The following KIAA0825 variants were observed in gnomAD, a reference collection of about 807,000 sequenced individuals.
The protein encoded by KIAA0825 is KIAA0825, also known as uncharacterized protein KIAA0825.
In KIAA0825, 119 loss-of-function variants were observed where a neutral mutation model predicts 147.6. That is an observed-to-expected ratio of 0.81 (90% CI 0.69 to 0.94). The LOEUF is 0.94. Ranked by LOEUF, KIAA0825 falls within the 40% of genes least tolerant of loss-of-function variation. KIAA0825 has a pLI of 0.00. For missense variants in KIAA0825, 1,381 were observed against 1,472.7 expected (o/e 0.94, Z 1.02); for synonymous variants, 470 against 518.1 (o/e 0.91, Z 1.26).
chr5:94,500,944 A>G (rs1271435998), intron 5 of KIAA0825, among the ~76,000 whole-genome samples: 1 of 151,706 alleles, frequency 6.6e-6, no homozygotes, highest in Non-Finnish European at 1.5e-5. Flanking sequence ...CACCCAGCTA[A>G]TTTTTTGTAT....
At chr5:94,480,412 A>ATAAT (rs1762366244) in intron 6 of KIAA0825, among the ~76,000 whole-genome samples, 1 of 152,082 alleles carries the variant, frequency 6.6e-6, no homozygotes. Flanking sequence ...AACAGAAAAA[A>ATAAT]TAATAAAGAT....
chr5:94,162,406 T>C (rs187588271), intron 20 of KIAA0825, among the ~76,000 whole-genome samples: 159 of 152,220 alleles, frequency 1.0e-3, no homozygotes, highest in African/African-American at 3.1e-3. Context: ...TTCCAGCGAT[T>C]GTCCTGCCTC....
At chr5:94,223,181 T>C (rs901004934) in intron 20 of KIAA0825, among the ~76,000 whole-genome samples, 1 of 152,216 alleles carries the variant, frequency 6.6e-6, no homozygotes, top group South Asian at 2.1e-4. Context: ...CTTTTAACTT[T>C]CGAAAGTTAA....
In KIAA0825 at chr5:94,197,359, GAT is replaced by G. The variant is rs1487785720; in HGVS notation, c.3711-43237_3711-43236del. Among the ~76,000 whole-genome samples the G allele has an allele frequency of 2.4e-4, 37 of 152,094 alleles. 1 individual carries two copies. The highest frequency in any genetic ancestry group is 2.4e-3 in the Admixed American group (37 of 15,270). On this transcript the variant is annotated intron_variant, in intron 20 of 20. Transcript: ENST00000682413. ...TGATTTAAGTTCCTTATAGATTCTG[GAT>G]ATGAGACCTTTCTCTGATGCATAGT...
intron 20 of KIAA0825, among the ~76,000 whole-genome samples, chr5:94,203,963 A>G (rs912257788): frequency 6.6e-6 from 1 of 152,204 alleles, no homozygotes; most frequent in Admixed American, 6.5e-5. Flanking sequence ...TAGCTACGCA[A>G]ACAGAATCCC....
At chr5:94,396,835 T>C (rs1235146314) in intron 16 of KIAA0825, among the ~76,000 whole-genome samples, 1 of 151,984 alleles carries the variant, frequency 6.6e-6, no homozygotes, top group African/African-American at 2.4e-5. Context: ...CTGGGCAGCT[T>C]TGTAGGCTTT....
intron 1 of KIAA0825, among the ~76,000 whole-genome samples, chr5:94,591,881 C>T (rs964172762): frequency 2.0e-5 from 3 of 152,124 alleles, no homozygotes; most frequent in African/African-American, 2.4e-5. Context: ...TGCAAAGGAA[C>T]TCCCATTTAT....
intron 13 of KIAA0825, among the ~76,000 whole-genome samples, chr5:94,444,516 G>C (rs980702433): frequency 4.6e-5 from 7 of 151,940 alleles, no homozygotes; most frequent in African/African-American, 1.7e-4. Context: ...TCTGATAAGG[G>C]AGTAGTAACC....
chr5:94,396,599 G>T, intron 16 of KIAA0825, 90 bp from the exon 17 acceptor site: 1 of 1,102,024 alleles, frequency 9.1e-7, no homozygotes, highest in Non-Finnish European at 1.2e-6. Flanking sequence ...TCTAATTTTT[G>T]TGGAGAAAAT....
chr5:94,535,729 A>G (rs1280470247), intron 3 of KIAA0825, among the ~76,000 whole-genome samples: 5 of 152,138 alleles, frequency 3.3e-5, no homozygotes, highest in Admixed American at 2.6e-4. Context: ...GCCTAACTTC[A>G]GTGGTTGCCT....
At chr5:94,180,936 G>A (rs1326876135) in intron 20 of KIAA0825, among the ~76,000 whole-genome samples, 9 of 152,196 alleles carry the variant, frequency 5.9e-5, no homozygotes, top group Non-Finnish European at 1.5e-5. Context: ...CATCTTCAAA[G>A]TAGGACACTG....
At chr5:94,512,459 T>C (rs72771692) in intron 5 of KIAA0825, among the ~76,000 whole-genome samples, 2 of 152,212 alleles carry the variant, frequency 1.3e-5, no homozygotes, top group Non-Finnish European at 2.9e-5. Context: ...TTAATTATTA[T>C]TTTCATAAAT....
At chr5:94,229,318 T>C (rs572543986) in intron 20 of KIAA0825, among the ~76,000 whole-genome samples, 4 of 152,304 alleles carry the variant, frequency 2.6e-5, no homozygotes, top group Admixed American at 2.6e-4. Flanking sequence ...AGGTGAGCAA[T>C]GGTATTCTGA....
chr5:94,304,949 G>A (rs1778632310), intron 20 of KIAA0825, among the ~76,000 whole-genome samples: 1 of 151,698 alleles, frequency 6.6e-6, no homozygotes, highest in South Asian at 2.1e-4. Context: ...CATGCACTAA[G>A]AAATAACTGA....
chr5:94,405,789 C>G (rs775935136), intron 15 of KIAA0825, among the ~76,000 whole-genome samples: 1 of 152,118 alleles, frequency 6.6e-6, no homozygotes. Context: ...CAGGACTAGA[C>G]GGGATGGCTT....
intron 20 of KIAA0825, among the ~76,000 whole-genome samples, chr5:94,281,931 T>C (rs1242335091): frequency 6.6e-6 from 1 of 152,096 alleles, no homozygotes; most frequent in Non-Finnish European, 1.5e-5. Context: ...ACCTTCCAAG[T>C]CTGACTTAAT....
rs956627640 is a variant in KIAA0825, at chr5:94,151,118, T to C, written c.*2889A>G. 2.0e-5 allele frequency among the ~76,000 whole-genome samples: 3 copies of C among 152,044 alleles called. No individual in the cohort carries two copies. Among genetic ancestry groups the C allele is most frequent in the Non-Finnish European group, 4.4e-5 (3 of 68,006 alleles). ...AACTGCTTTGAAATACCACTTCTTATTATACTTAAAAAAACATGGCCGGGC... is the reference window on the plus strand; with the variant it reads ...AACTGCTTTGAAATACCACTTCTTACTATACTTAAAAAAACATGGCCGGGC... On this transcript the variant is annotated 3_prime_UTR_variant, in exon 21 of 21. Coordinates refer to ENST00000682413, the MANE Select transcript of KIAA0825 (RefSeq NM_001145678.3).
chr5:94,503,726 A>G (rs1765367265), intron 5 of KIAA0825, among the ~76,000 whole-genome samples: 1 of 152,190 alleles, frequency 6.6e-6, no homozygotes, highest in South Asian at 2.1e-4. Context: ...TGGTTGTCTT[A>G]GAGAAGACCA....
chr5:94,561,166 T>C (rs918613612), intron 2 of KIAA0825, among the ~76,000 whole-genome samples: 4 of 152,224 alleles, frequency 2.6e-5, no homozygotes, highest in African/African-American at 9.6e-5. Flanking sequence ...CAATCGTGTC[T>C]ACATAATGGA....
Sources: gnomAD v4.1 joint callset for allele counts (sites outside exome capture counted in the v4.1 genomes callset) on GRCh38, gnomAD v4.1.1 for gene constraint, MANE v1.5 for transcripts, NCBI Gene and HGNC (gene_info 2026-07-23, HGNC 2026-07-21) for gene names.